Variants in COL23A1 observed in about 807,000 individuals in gnomAD.
The protein encoded by COL23A1 is collagen alpha-1(XXIII) chain.
A neutral mutation model predicts 99.3 loss-of-function variants in COL23A1; 97 were observed. The observed-to-expected ratio is 0.98, with a 90% CI of 0.83 to 1.16. COL23A1 has a LOEUF of 1.16. Ranked by LOEUF, COL23A1 falls within the 50% of genes most tolerant of loss-of-function variation. The pLI is 0.00. For synonymous variants in COL23A1, 320 were observed against 308.2 expected, an observed-to-expected ratio of 1.04 and a Z score of -0.40; for missense variants, 762 against 757.4, an observed-to-expected ratio of 1.01 and a Z score of -0.07.
intron 1 of COL23A1, among the ~76,000 whole-genome samples, chr5:178,580,523 T>A (rs1763612157): frequency 6.6e-6 from 1 of 152,032 alleles, no homozygotes; most frequent in East Asian, 1.9e-4. Context: ...CTGGACATGA[T>A]GAAGGGATGT....
intron 8 of COL23A1, among the ~76,000 whole-genome samples, chr5:178,266,658 T>C (rs555295536): frequency 6.6e-5 from 10 of 152,204 alleles, no homozygotes; most frequent in Non-Finnish European, 1.3e-4. Context: ...ACCAGCTTTA[T>C]GTGGCTGGCA....
intron 2 of COL23A1, among the ~76,000 whole-genome samples, chr5:178,416,469 G>C (rs981059981): frequency 1.3e-5 from 2 of 152,322 alleles, no homozygotes; most frequent in African/African-American, 4.8e-5. Flanking sequence ...GCTGCTGGGA[G>C]TGAGCCCGGA....
At chr5:178,553,095 A>C (rs142408083) in intron 2 of COL23A1, among the ~76,000 whole-genome samples, 11 of 150,454 alleles carry the variant, frequency 7.3e-5, no homozygotes, top group Admixed American at 2.0e-4. Context: ...ACTTGAGCTC[A>C]GGAGTTCAAG....
At chr5:178,445,455 T>C (rs1294296322) in intron 2 of COL23A1, among the ~76,000 whole-genome samples, 1 of 152,196 alleles carries the variant, frequency 6.6e-6, no homozygotes, top group Non-Finnish European at 1.5e-5. Flanking sequence ...TTTGTACATG[T>C]TTATTCTCCT....
chr5:178,357,940 A>G (rs747915086), intron 2 of COL23A1, among the ~76,000 whole-genome samples: 13,342 of 133,010 alleles, frequency 0.1, 877 homozygotes, highest in Middle Eastern at 0.28. Flanking sequence ...ATGTGTATGT[A>G]TGTGTGTGTA....
At chr5:178,331,803 CAA>C (rs1760038745) in intron 2 of COL23A1, among the ~76,000 whole-genome samples, 1 of 152,224 alleles carries the variant, frequency 6.6e-6, no homozygotes, top group Non-Finnish European at 1.5e-5. Flanking sequence ...CTGAATTCCA[CAA>C]AGAGAACAAA....
intron 1 of COL23A1, among the ~76,000 whole-genome samples, chr5:178,574,976 T>C (rs924813017): frequency 6.6e-6 from 1 of 152,210 alleles, no homozygotes; most frequent in Non-Finnish European, 1.5e-5. Context: ...TTAGCAGTCA[T>C]TAACTAGCAA....
At chr5:178,271,302 C>T (rs1368905263) in intron 5 of COL23A1, among the ~76,000 whole-genome samples, 2 of 152,182 alleles carry the variant, frequency 1.3e-5, no homozygotes, top group Non-Finnish European at 2.9e-5. Context: ...CTCACCCCCA[C>T]ATACACTTCA....
intron 2 of COL23A1, among the ~76,000 whole-genome samples, chr5:178,405,068 C>T (rs1161888903): frequency 6.6e-6 from 1 of 152,256 alleles, no homozygotes; most frequent in Non-Finnish European, 1.5e-5. Context: ...CAGGTGACCC[C>T]CTAAGCATCC....
intron 5 of COL23A1, among the ~76,000 whole-genome samples, chr5:178,279,666 A>T (rs1581515052): frequency 6.6e-6 from 1 of 152,166 alleles, no homozygotes; most frequent in South Asian, 2.1e-4. Flanking sequence ...GAGATGGCCA[A>T]TTCCTCAAGG....
At position 178,391,761 on chromosome 5, in the gene COL23A1, C is replaced by T. The variant is rs546108740; in HGVS notation, c.362-84842G>A. ...AAGAGAAATGAAACATCTGTCCATA[C>T]AAACACTTGTACGCCCATGTTCACA... On this transcript the variant is annotated intron_variant, in intron 2 of 28. Coordinates refer to ENST00000390654, the MANE Select transcript of COL23A1 (RefSeq NM_173465.4). Among the ~76,000 whole-genome samples the T allele has an allele frequency of 9.2e-5, 14 of 152,284 alleles. No homozygotes were observed. The South Asian group carries it at 1.7e-3, about 18-fold the overall frequency.
Position 178,384,458 on chromosome 5 carries a change from C to T in COL23A1, c.362-77539G>A, listed in dbSNP as rs1223401462. Among the ~76,000 whole-genome samples, 1 of 152,250 alleles carries T rather than the reference C, an allele frequency of 6.6e-6. No homozygotes were observed. The highest frequency in any genetic ancestry group is 1.5e-5 in the Non-Finnish European group (1 of 68,042). On this transcript the variant is annotated intron_variant, in intron 2 of 28. Transcript: ENST00000390654. This position sits in a 1 kb window ranked among gnomAD's most constrained non-coding sequence, Gnocchi z 5.5. ...GCTTTCCAAGCCAGACCTCTCCTCC[C>T]TGCCCACCCCTCCCTCGGCTTTTTG...
At chr5:178,311,205 A>C (rs1758651490) in intron 2 of COL23A1, among the ~76,000 whole-genome samples, 1 of 152,216 alleles carries the variant, frequency 6.6e-6, no homozygotes, top group East Asian at 1.9e-4. Flanking sequence ...GGGGTATGCC[A>C]GAGCAGGAGG....
chr5:178,531,491 A>G (rs1002386954), intron 2 of COL23A1, among the ~76,000 whole-genome samples: 15 of 152,214 alleles, frequency 9.9e-5, no homozygotes, highest in African/African-American at 3.4e-4. Context: ...AAAGATAAAA[A>G]GAGCCTGGGA....
chr5:178,467,021 T>C (rs563153428), intron 2 of COL23A1, among the ~76,000 whole-genome samples: 2 of 152,366 alleles, frequency 1.3e-5, no homozygotes, highest in South Asian at 2.1e-4. Context: ...TGACATTATA[T>C]GTATATATAT....
At chr5:178,375,570 C>T (rs1052754949) in intron 2 of COL23A1, among the ~76,000 whole-genome samples, 1 of 152,280 alleles carries the variant, frequency 6.6e-6, no homozygotes, top group Non-Finnish European at 1.5e-5. Flanking sequence ...CCGACAGCCT[C>T]GTTCCTGCTT....
At chr5:178,347,247 G>A (rs1761025426) in intron 2 of COL23A1, among the ~76,000 whole-genome samples, 1 of 152,198 alleles carries the variant, frequency 6.6e-6, no homozygotes, top group African/African-American at 2.4e-5. Flanking sequence ...CGAAGGACTG[G>A]ATTTTATCTT....
intron 19 of COL23A1, 87 bp from the exon 20 acceptor site, chr5:178,248,341 C>G (rs1764827849): frequency 9.9e-7 from 1 of 1,012,050 alleles, no homozygotes; most frequent in Non-Finnish European, 1.5e-6. Context: ...TTCCTTCCCC[C>G]ATGTGGCTCC....
chr5:178,255,526 T>C lies in COL23A1; in HGVS notation c.883-500A>G, dbSNP rs1041491855. 5.9e-5 allele frequency among the ~76,000 whole-genome samples: 9 copies of C among 152,208 alleles called. No individual in the cohort carries two copies. Among genetic ancestry groups the C allele is most frequent in the African/African-American group, 2.2e-4 (9 of 41,510 alleles). On this transcript the variant is annotated intron_variant, in intron 15 of 28. Transcript: ENST00000390654. The surrounding 1 kb of genome is among the most constrained non-coding windows in gnomAD (Gnocchi z 4.2). Reference sequence around the variant, plus strand: ...CCATGTCCATATGCTGCACACTCATTGTGCACACTCACACGTGCACGCATG... The same window carrying C: ...CCATGTCCATATGCTGCACACTCATCGTGCACACTCACACGTGCACGCATG...
Sources: allele counts gnomAD v4.1 joint callset (sites outside exome capture counted in the v4.1 genomes callset), GRCh38; gene constraint gnomAD v4.1.1; non-coding constraint Gnocchi (gnomAD v3.1); transcripts MANE v1.5; gene names NCBI Gene and HGNC (gene_info 2026-07-23, HGNC 2026-07-21).